The following TMEM132D variants were observed in gnomAD, a reference collection of about 807,000 sequenced individuals.
The protein encoded by TMEM132D is transmembrane protein 132D.
In TMEM132D, 21 loss-of-function variants were observed where a neutral mutation model predicts 62.3. That is an observed-to-expected ratio of 0.34 (90% CI 0.24 to 0.49). The LOEUF is 0.49. Ranked by LOEUF, TMEM132D falls within the 20% of genes least tolerant of loss-of-function variation. The probability of loss-of-function intolerance (pLI) is 0.99; values close to 1 mark genes in which losing one functional copy is unlikely to be tolerated. For missense variants in TMEM132D, 1,346 were observed against 1,402.8 expected, an observed-to-expected ratio of 0.96 and a Z score of 0.65; for synonymous variants, 621 against 575.6, an observed-to-expected ratio of 1.08 and a Z score of -1.13.
intron 4 of TMEM132D, among the ~76,000 whole-genome samples, chr12:129,237,609 G>A (rs933151546): frequency 2.0e-5 from 3 of 152,008 alleles, no homozygotes; most frequent in African/African-American, 7.3e-5. Context: ...TTGTAGGATG[G>A]CAATTTTTAA....
chr12:129,706,233 A>G (rs1244763899), intron 1 of TMEM132D, among the ~76,000 whole-genome samples: 3 of 152,036 alleles, frequency 2.0e-5, no homozygotes, highest in Admixed American at 6.5e-5. Flanking sequence ...TAAGCTATAA[A>G]TTGTCTCCAG....
chr12:129,832,431 G>A (rs1872871569), intron 1 of TMEM132D, among the ~76,000 whole-genome samples: 1 of 151,792 alleles, frequency 6.6e-6, no homozygotes, highest in Non-Finnish European at 1.5e-5. Context: ...ATATCGAATA[G>A]GACATATATT....
At chr12:129,596,883 G>A (rs986780503) in intron 2 of TMEM132D, among the ~76,000 whole-genome samples, 1 of 151,896 alleles carries the variant, frequency 6.6e-6, no homozygotes, top group Non-Finnish European at 1.5e-5. Flanking sequence ...TTCTGTGATT[G>A]TCTGAGCTCC....
intron 5 of TMEM132D, among the ~76,000 whole-genome samples, chr12:129,087,414 C>T (rs555481957): frequency 6.6e-6 from 1 of 150,972 alleles, no homozygotes; most frequent in East Asian, 1.9e-4. Flanking sequence ...TGGCTGTTAT[C>T]AGTCATTAAA....
In TMEM132D at chr12:129,629,703, G is replaced by A. The variant is rs564109424; in HGVS notation, c.968+70107C>T. Among the ~76,000 whole-genome samples the A allele has an allele frequency of 1.6e-4, 24 of 151,978 alleles. No homozygotes were observed. The East Asian group carries it at 1.9e-3, about 12-fold the overall frequency. On this transcript the variant is annotated intron_variant, in intron 2 of 8. Transcript: ENST00000422113. ...AAAACTATACAAACAAACACCATCC[G>A]TGAAAATCCCCCGGACAGCCAATAA...
At chr12:129,733,550 C>A (rs1283607368) in intron 1 of TMEM132D, among the ~76,000 whole-genome samples, 2 of 152,158 alleles carry the variant, frequency 1.3e-5, no homozygotes, top group Non-Finnish European at 2.9e-5. Flanking sequence ...ATTACAGATT[C>A]ATGAGTCTAA....
At chr12:129,375,201 A>G (rs1318858886) in intron 3 of TMEM132D, among the ~76,000 whole-genome samples, 1 of 152,234 alleles carries the variant, frequency 6.6e-6, no homozygotes, top group Non-Finnish European at 1.5e-5. Context: ...TGATAAATCA[A>G]CATCAAATAT....
intron 5 of TMEM132D, among the ~76,000 whole-genome samples, chr12:129,167,252 G>A (rs146578927): frequency 1.0e-3 from 158 of 152,030 alleles, no homozygotes; most frequent in African/African-American, 3.5e-3. Flanking sequence ...ATGCTGAGAC[G>A]AGGAGGCCTC....
At chr12:129,155,939 C>G (rs539451698) in intron 5 of TMEM132D, among the ~76,000 whole-genome samples, 1 of 152,130 alleles carries the variant, frequency 6.6e-6, no homozygotes, top group African/African-American at 2.4e-5. Context: ...TGAATCCACT[C>G]CCAAGATAAT....
At chr12:129,325,811 C>T (rs1444663406) in intron 4 of TMEM132D, among the ~76,000 whole-genome samples, 1 of 152,216 alleles carries the variant, frequency 6.6e-6, no homozygotes, top group Non-Finnish European at 1.5e-5. Flanking sequence ...TCCAGTTCTC[C>T]TTTCAGTTCT....
At chr12:129,608,841 A>T (rs1878693887) in intron 2 of TMEM132D, among the ~76,000 whole-genome samples, 1 of 152,016 alleles carries the variant, frequency 6.6e-6, no homozygotes. Flanking sequence ...GTTCACTCGC[A>T]CTCAAATTGC....
Position 129,195,368 on chromosome 12 carries a change from G to A in TMEM132D, c.1443+14152C>T, listed in dbSNP as rs186306224. Among the ~76,000 whole-genome samples, 6 of 152,244 alleles carry A rather than the reference G, an allele frequency of 3.9e-5. No individual in the cohort carries two copies. In the East Asian group the frequency reaches 1.2e-3, roughly 29 times the overall value. On this transcript the variant is annotated intron_variant, in intron 5 of 8. Coordinates refer to ENST00000422113, the MANE Select transcript of TMEM132D (RefSeq NM_133448.3). ...GAGGGAGGGTGGGGAGATGGAATAG[G>A]CCTTAGAGGCAGTTGTAAGGAACAT...
In TMEM132D at chr12:129,640,943, G is replaced by A. The variant is rs377431848; in HGVS notation, c.968+58867C>T. 2.9e-4 allele frequency among the ~76,000 whole-genome samples: 44 copies of A among 152,204 alleles called. 1 individual carries two copies. Among genetic ancestry groups the A allele is most frequent in the Middle Eastern group, 3.4e-3 (1 of 294 alleles). On this transcript the variant is annotated intron_variant, in intron 2 of 8. Coordinates refer to ENST00000422113, the MANE Select transcript of TMEM132D (RefSeq NM_133448.3). ...TGCACGCTCCTTATGAGAATCTAAC[G>A]CCTGATGATCTGTCACTGTCTCCCA...
chr12:129,417,786 T>A (rs970137343), intron 3 of TMEM132D, among the ~76,000 whole-genome samples: 13 of 151,792 alleles, frequency 8.6e-5, no homozygotes, highest in African/African-American at 3.1e-4. Context: ...TGGGAGAAAA[T>A]TTTTGCAATC....
At chr12:129,189,251 G>A (rs939818812) in intron 5 of TMEM132D, among the ~76,000 whole-genome samples, 1 of 152,104 alleles carries the variant, frequency 6.6e-6, no homozygotes, top group African/African-American at 2.4e-5. Flanking sequence ...CAGCCTCAGG[G>A]ACAGGGGACC....
At chr12:129,082,373 G>T (rs1044841201) in intron 6 of TMEM132D, among the ~76,000 whole-genome samples, 1 of 152,156 alleles carries the variant, frequency 6.6e-6, no homozygotes, top group Non-Finnish European at 1.5e-5. Context: ...GTGATTGGAT[G>T]GTCACTTTCC....
In TMEM132D at chr12:129,662,494, G is replaced by T. The variant is rs565909417; in HGVS notation, c.968+37316C>A. The stretch of plus-strand genomic sequence containing the variant: ...TCAAATCATCTGTCCTAATAATGCA[G>T]GTAGAAATACGAGTTATTGGCCAGG... On this transcript the variant is annotated intron_variant, in intron 2 of 8. Transcript: ENST00000422113. Among the ~76,000 whole-genome samples the T allele has an allele frequency of 3.5e-4, 53 of 152,258 alleles. 1 individual carries two copies. Among genetic ancestry groups the T allele is most frequent in the African/African-American group, 1.2e-3 (51 of 41,554 alleles).
At chr12:129,121,711 G>C (rs1241328819) in intron 5 of TMEM132D, among the ~76,000 whole-genome samples, 1 of 152,098 alleles carries the variant, frequency 6.6e-6, no homozygotes, top group Non-Finnish European at 1.5e-5. Flanking sequence ...ACTACACCCC[G>C]GCCACCACAG....
chr12:129,257,431 A>C (rs1013876430), intron 4 of TMEM132D, among the ~76,000 whole-genome samples: 1 of 151,724 alleles, frequency 6.6e-6, no homozygotes, highest in Non-Finnish European at 1.5e-5. Flanking sequence ...GGATGGTCTC[A>C]ATCTCCTGAC....
Sources: allele counts gnomAD v4.1 joint callset (sites outside exome capture counted in the v4.1 genomes callset), GRCh38; gene constraint gnomAD v4.1.1; transcripts MANE v1.5; gene names NCBI Gene and HGNC (gene_info 2026-07-23, HGNC 2026-07-21).